Variants in AKAP6 observed in about 807,000 individuals in gnomAD.
AKAP6 encodes the protein A-kinase anchor protein 6.
In AKAP6, 58 loss-of-function variants were observed where a neutral mutation model predicts 188.5. That is an observed-to-expected ratio of 0.31 (90% confidence interval 0.25 to 0.38). The LOEUF is 0.38. Among genes scored for constraint, AKAP6 ranks in the 10% least tolerant of loss-of-function variants. The pLI is 1.00. For missense variants in AKAP6, 2,710 were observed against 2,740.0 expected (o/e 0.99, Z 0.24); for synonymous variants, 989 against 998.6 (o/e 0.99, Z 0.18).
chr14:32,664,830 A>G (rs1888852270), intron 7 of AKAP6, among the ~76,000 whole-genome samples: 1 of 152,158 alleles, frequency 6.6e-6, no homozygotes, highest in African/African-American at 2.4e-5. Flanking sequence ...GAACTGGACC[A>G]GGATGAGTCT....
chr14:32,419,867 T>G (rs1260276151), intron 1 of AKAP6, among the ~76,000 whole-genome samples: 5 of 151,868 alleles, frequency 3.3e-5, no homozygotes, highest in Non-Finnish European at 7.4e-5. Flanking sequence ...CACCCAGTCT[T>G]ATGACATTCT....
intron 7 of AKAP6, among the ~76,000 whole-genome samples, chr14:32,602,089 A>G (rs1232296728): frequency 6.6e-6 from 1 of 152,206 alleles, no homozygotes; most frequent in Non-Finnish European, 1.5e-5. Context: ...AGCTGGAACT[A>G]ATAATGTAGA....
At chr14:32,469,959 T>G (rs1395385388) in intron 2 of AKAP6, among the ~76,000 whole-genome samples, 1 of 152,184 alleles carries the variant, frequency 6.6e-6, no homozygotes, top group Non-Finnish European at 1.5e-5. Context: ...GGGAAATTAC[T>G]GATTTGCTTT....
rs1243257909 is a variant in AKAP6, at chr14:32,778,684, T to C, written c.3588+4791T>C. ...GCCTCAGTCTCCAAGTAGCTGAGAA[T>C]ACAGGAGCATGCCAGCATACCCAGC... On this transcript the variant is annotated intron_variant, in intron 12 of 13. Transcript: ENST00000280979. 4.6e-5 allele frequency among the ~76,000 whole-genome samples: 7 copies of C among 150,944 alleles called. No individual in the cohort carries two copies. In the Admixed American group the frequency reaches 4.6e-4, roughly 10 times the overall value.
At chr14:32,353,378 G>A (rs1363603692) in intron 1 of AKAP6, among the ~76,000 whole-genome samples, 6 of 152,230 alleles carry the variant, frequency 3.9e-5, no homozygotes, top group South Asian at 4.1e-4. Flanking sequence ...TGGCTAACAC[G>A]GTGAAACCCT....
chr14:32,820,912 C>G (rs148555807), intron 12 of AKAP6, among the ~76,000 whole-genome samples: 1 of 152,190 alleles, frequency 6.6e-6, no homozygotes, highest in Middle Eastern at 3.4e-3. Flanking sequence ...AGTCCCCAGG[C>G]AAAAGCTGCT....
At chr14:32,596,133 C>T (rs780828631) in intron 5 of AKAP6, among the ~76,000 whole-genome samples, 16 of 152,142 alleles carry the variant, frequency 1.1e-4, no homozygotes, top group Non-Finnish European at 1.9e-4. Context: ...TTTGATACTA[C>T]TAAGATTGAA....
chr14:32,590,397 C>T (rs1157074554), intron 5 of AKAP6, among the ~76,000 whole-genome samples: 2 of 152,056 alleles, frequency 1.3e-5, no homozygotes, highest in East Asian at 3.9e-4. Flanking sequence ...GCCAAGATTG[C>T]ACAACTGCAC....
intron 12 of AKAP6, among the ~76,000 whole-genome samples, chr14:32,804,063 C>T (rs1473522572): frequency 3.3e-5 from 5 of 152,224 alleles, no homozygotes; most frequent in African/African-American, 4.8e-5. Flanking sequence ...CTACCAGAAT[C>T]TCTCATAAAT....
chr14:32,639,616 T>C (rs1158654843), intron 7 of AKAP6, among the ~76,000 whole-genome samples: 1 of 152,118 alleles, frequency 6.6e-6, no homozygotes, highest in East Asian at 1.9e-4. Flanking sequence ...TAGAGTGTAA[T>C]CACATTTTCA....
intron 7 of AKAP6, among the ~76,000 whole-genome samples, chr14:32,665,327 G>T (rs536430548): frequency 1.3e-5 from 2 of 152,226 alleles, no homozygotes; most frequent in Non-Finnish European, 2.9e-5. Context: ...TCAAGTTGGG[G>T]TTCCCATGAC....
At chr14:32,343,151 C>G (rs1886945387) in intron 1 of AKAP6, among the ~76,000 whole-genome samples, 1 of 152,150 alleles carries the variant, frequency 6.6e-6, no homozygotes, top group African/African-American at 2.4e-5. Context: ...CTCAGTCCCA[C>G]CCCCACTAGC....
chr14:32,817,213 G>C (rs2034401245), intron 12 of AKAP6, among the ~76,000 whole-genome samples: 1 of 152,046 alleles, frequency 6.6e-6, no homozygotes, highest in South Asian at 2.1e-4. Flanking sequence ...AATCATGGGA[G>C]ACCTAACTCA....
At chr14:32,700,748 G>A (rs1003073621) in intron 9 of AKAP6, among the ~76,000 whole-genome samples, 2 of 152,008 alleles carry the variant, frequency 1.3e-5, no homozygotes, top group Non-Finnish European at 2.9e-5. Flanking sequence ...CTATCATCTA[G>A]GTTTATCTAA....
intron 12 of AKAP6, among the ~76,000 whole-genome samples, chr14:32,776,054 G>A (rs1348751303): frequency 1.3e-5 from 2 of 152,174 alleles, no homozygotes; most frequent in Non-Finnish European, 2.9e-5. Context: ...AAGAGTCCAG[G>A]TTGCTTTGAA....
rs1330371046 is a variant in AKAP6 at position 32,835,069 on chromosome 14, A to G, written c.*5264A>G. 6.6e-6 allele frequency: 1 copy of G among 152,208 alleles called. No homozygotes were observed. The highest frequency in any genetic ancestry group is 1.5e-5 in the Non-Finnish European group (1 of 68,030). 9.4% of individuals were successfully genotyped at this position (152,208 alleles called of 1,614,324 possible). A position where few individuals can be genotyped will look rare whatever the true frequency, so the allele number is the denominator to read the frequency against. ...GCACATTTGTTTCCATAGTCTACGG[A>G]TGCTTTGACACTATACAAAGTTACG... On this transcript the variant is annotated 3_prime_UTR_variant, in exon 14 of 14. Coordinates refer to ENST00000280979, the MANE Select transcript of AKAP6 (RefSeq NM_004274.5).
chr14:32,389,971 A>G (rs1349962164), intron 1 of AKAP6, among the ~76,000 whole-genome samples: 2 of 152,076 alleles, frequency 1.3e-5, no homozygotes, highest in African/African-American at 4.8e-5. Context: ...CTTCTTTCTC[A>G]GGAACATCAA....
Position 32,833,945 on chromosome 14 carries a change from TTCA to T in AKAP6, c.*4143_*4145del, listed in dbSNP as rs1394923839. On this transcript the variant is annotated 3_prime_UTR_variant, in exon 14 of 14. Transcript: ENST00000280979. ...ATTGTTAATATTTCACCATATTTAC[TTCA>T]TCTCTGTATACACACACACTTTTTT... 7.9e-5 allele frequency: 12 copies of T among 152,244 alleles called. No homozygotes were observed. Among genetic ancestry groups the T allele is most frequent in the Admixed American group, 4.6e-4 (7 of 15,286 alleles). The allele number at this position is 152,244 out of a possible 1,614,324, so 9.4% of individuals were successfully genotyped here. A position where few individuals can be genotyped will look rare whatever the true frequency, so the allele number is the denominator to read the frequency against.
intron 2 of AKAP6, among the ~76,000 whole-genome samples, chr14:32,453,510 A>C (rs1357358521): frequency 1.3e-5 from 2 of 150,892 alleles, no homozygotes; most frequent in African/African-American, 4.8e-5. Flanking sequence ...GCTATTTGAA[A>C]GTCAGGCTAC....
Sources: gnomAD v4.1 joint callset for allele counts (sites outside exome capture counted in the v4.1 genomes callset) on GRCh38, gnomAD v4.1.1 for gene constraint, MANE v1.5 for transcripts, NCBI Gene and HGNC (gene_info 2026-07-23, HGNC 2026-07-21) for gene names.